Variants in RBM20 observed in about 807,000 individuals in gnomAD.
RBM20 encodes RNA-binding protein 20.
In RBM20, 51 loss-of-function variants were observed where a neutral mutation model predicts 110.1. The ratio of observed to expected loss-of-function variants is 0.46; its 90% CI spans 0.37 to 0.59. The LOEUF is 0.59. Among genes scored for constraint, RBM20 ranks in the 20% least tolerant of loss-of-function variants. The probability of loss-of-function intolerance (pLI) is 0.00; values close to 1 mark genes in which losing one functional copy is unlikely to be tolerated. For synonymous variants in RBM20, 589 were observed against 618.2 expected (o/e 0.95, Z 0.70); for missense variants, 1,512 against 1,574.9 (o/e 0.96, Z 0.68).
chr10:110,780,123 A>C (rs768565878), intron 1 of RBM20, among the ~76,000 whole-genome samples: 1 of 152,204 alleles, frequency 6.6e-6, no homozygotes, highest in Non-Finnish European at 1.5e-5. Flanking sequence ...TCTCTGTCTT[A>C]AGCTTGGTGC....
chr10:110,669,549 G>A (rs536209856), intron 1 of RBM20, among the ~76,000 whole-genome samples: 1 of 152,322 alleles, frequency 6.6e-6, no homozygotes, highest in East Asian at 1.9e-4. Context: ...TCAGAAGATT[G>A]CTTTCAAATC....
intron 1 of RBM20, among the ~76,000 whole-genome samples, chr10:110,646,151 G>C (rs777500259): frequency 6.6e-5 from 10 of 152,094 alleles, no homozygotes; most frequent in Non-Finnish European, 1.5e-4. Flanking sequence ...TGCATATGAA[G>C]TTAATTGAAA....
intron 12 of RBM20, among the ~76,000 whole-genome samples, chr10:110,827,430 C>T (rs1260007501): frequency 2.6e-5 from 4 of 152,046 alleles, no homozygotes; most frequent in African/African-American, 7.3e-5. Context: ...TCAGGATTTC[C>T]GATCTCAGAT....
intron 1 of RBM20, among the ~76,000 whole-genome samples, chr10:110,756,972 C>T (rs771711991): frequency 2.0e-4 from 30 of 152,276 alleles, no homozygotes; most frequent in Non-Finnish European, 4.0e-4. Flanking sequence ...AAACAATTGC[C>T]ATGTGCTCTT....
rs750988872 is a variant in RBM20, at chr10:110,812,735, G to T, written c.2338G>T (p.Gly780Trp). ...TCTGAAGCAGCAGCAGGATGCCCCC[G>T]GGAGGTCCAGGAGGAAAGACGAGGC... ...KYLKQQQDAP[G>W]RSRRKDEARL... is the part of the protein sequence containing the mutation. Residue 780 changes from glycine to tryptophan, a missense_variant, in exon 9 of 14, where the codon GGG (glycine) becomes TGG (tryptophan). Gly to Trp is a radical substitution (Grantham distance 184). This residue lies in a region of RBM20 where 1,149 missense variants were observed against 1,169.4 expected (regional missense o/e 0.98). Coordinates refer to ENST00000369519, the MANE Select transcript of RBM20 (RefSeq NM_001134363.3). The T allele has an allele frequency of 1.9e-6, 3 of 1,551,738 alleles. No homozygotes were observed. The highest frequency in any genetic ancestry group is 2.6e-6 in the Non-Finnish European group (3 of 1,146,998).
At chr10:110,817,940 T>G (rs973277357) in intron 9 of RBM20, among the ~76,000 whole-genome samples, 8 of 152,168 alleles carry the variant, frequency 5.3e-5, no homozygotes, top group Admixed American at 5.2e-4. Flanking sequence ...ATTTTTGCCT[T>G]TATCTTAACT....
intron 1 of RBM20, among the ~76,000 whole-genome samples, chr10:110,714,046 C>T (rs1005862796): frequency 6.6e-6 from 1 of 152,198 alleles, no homozygotes; most frequent in Admixed American, 6.5e-5. Flanking sequence ...CCTGGCTAAG[C>T]AGATCTGTGC....
At chr10:110,769,264 T>G (rs570899592) in intron 1 of RBM20, among the ~76,000 whole-genome samples, 4 of 145,774 alleles carry the variant, frequency 2.7e-5, no homozygotes, top group African/African-American at 1.0e-4. Context: ...TTTTTTTTGT[T>G]GTTGTTTATT....
chr10:110,784,558 G>T (rs1473257663), intron 4 of RBM20, 126 bp downstream of exon 4: 3 of 787,526 alleles, frequency 3.8e-6, no homozygotes, highest in Middle Eastern at 5.8e-4. Context: ...AAAGCAAACA[G>T]ATCCCAAGAC....
At chr10:110,804,231 C>T (rs986292121) in intron 7 of RBM20, among the ~76,000 whole-genome samples, 3 of 152,206 alleles carry the variant, frequency 2.0e-5, no homozygotes, top group Admixed American at 6.5e-5. Flanking sequence ...TTGGCTGGAC[C>T]TGTGTCATCT....
intron 1 of RBM20, among the ~76,000 whole-genome samples, chr10:110,697,776 C>G (rs545261936): frequency 2.6e-4 from 39 of 152,316 alleles, no homozygotes; most frequent in African/African-American, 9.4e-4. Flanking sequence ...AAGAAGTCTT[C>G]ACTGACCAGC....
chr10:110,693,734 A>G (rs890835239), intron 1 of RBM20, among the ~76,000 whole-genome samples: 8 of 152,342 alleles, frequency 5.3e-5, no homozygotes, highest in Admixed American at 1.3e-4. Context: ...ATATTTTACT[A>G]TATGTCTTTT....
chr10:110,697,901 C>CTT (rs374446957), intron 1 of RBM20, among the ~76,000 whole-genome samples: 1 of 127,536 alleles, frequency 7.8e-6, no homozygotes. Flanking sequence ...GGCCTTGTTT[C>CTT]TTTTTTTTTT....
At position 110,755,639 on chromosome 10, in the gene RBM20, A is replaced by G. The variant is rs193097817; in HGVS notation, c.192-25162A>G. ...AAAATCAAGGGAATGTAGGGCCACA[A>G]GTTTTTATTTGCTTTAAGATATTAG... On this transcript the variant is annotated intron_variant, in intron 1 of 13. Coordinates refer to ENST00000369519, the MANE Select transcript of RBM20 (RefSeq NM_001134363.3). Among the ~76,000 whole-genome samples the G allele has an allele frequency of 1.2e-4, 18 of 152,324 alleles. No homozygotes were observed. In the East Asian group the frequency reaches 3.5e-3, roughly 29 times the overall value.
intron 1 of RBM20, among the ~76,000 whole-genome samples, chr10:110,703,281 G>A (rs1050867337): frequency 6.6e-6 from 1 of 151,842 alleles, no homozygotes; most frequent in Non-Finnish European, 1.5e-5. Context: ...GGGAGGCTGA[G>A]GCAGGACAAT....
chr10:110,790,870 T>G (rs1844475226), intron 5 of RBM20, among the ~76,000 whole-genome samples: 1 of 152,198 alleles, frequency 6.6e-6, no homozygotes, highest in Non-Finnish European at 1.5e-5. Context: ...GGCCACAGAT[T>G]AAGATCCTTA....
At chr10:110,710,637 T>A (rs1223584490) in intron 1 of RBM20, among the ~76,000 whole-genome samples, 1 of 152,228 alleles carries the variant, frequency 6.6e-6, no homozygotes, top group African/African-American at 2.4e-5. Flanking sequence ...AGCTGGTCCT[T>A]CCCTCCCCCT....
At chr10:110,701,989 G>A (rs1037451318) in intron 1 of RBM20, among the ~76,000 whole-genome samples, 1 of 152,190 alleles carries the variant, frequency 6.6e-6, no homozygotes, top group Non-Finnish European at 1.5e-5. Flanking sequence ...ATTGTGTGAA[G>A]CAGGACGTGA....
intron 1 of RBM20, among the ~76,000 whole-genome samples, chr10:110,727,877 C>T (rs1382460818): frequency 6.6e-6 from 1 of 152,172 alleles, no homozygotes; most frequent in Non-Finnish European, 1.5e-5. Context: ...GTTTAACTCC[C>T]ACTTATGAGT....
Sources: gnomAD v4.1 joint callset for allele counts (sites outside exome capture counted in the v4.1 genomes callset) on GRCh38, gnomAD v4.1.1 for gene constraint, gnomAD v4.1.1 regional missense constraint, MANE v1.5 for transcripts, NCBI Gene and HGNC (gene_info 2026-07-23, HGNC 2026-07-21) for gene names.